APBB2: variants seen among roughly 807,000 people sequenced by gnomAD.
The protein encoded by APBB2 is amyloid beta precursor protein binding family B member 2.
Under a neutral mutation model 82.5 loss-of-function variants are expected in APBB2, and 38 were observed. The observed-to-expected ratio is 0.46, with a 90% confidence interval of 0.36 to 0.60. The LOEUF (loss-of-function observed/expected upper bound fraction) is 0.60. APBB2 is among the 20% of genes least tolerant of loss of function. The pLI is 0.00. For synonymous variants in APBB2, 341 were observed against 368.2 expected (o/e 0.93, Z 0.85); for missense variants, 772 against 972.3 (o/e 0.79, Z 2.74).
chr4:40,949,053 T>C (rs1578672738), intron 6 of APBB2, among the ~76,000 whole-genome samples: 1 of 152,098 alleles, frequency 6.6e-6, no homozygotes, highest in South Asian at 2.1e-4. Context: ...CCGAGGCAGG[T>C]AGATCACTCA....
intron 13 of APBB2, 74 bp downstream of exon 13, chr4:40,830,389 C>T: frequency 2.9e-6 from 3 of 1,029,716 alleles, no homozygotes; most frequent in Middle Eastern, 2.1e-4. Flanking sequence ...TGCCCACTCC[C>T]CCGCCCTTCC....
chr4:40,978,899 G>GATTT (rs1383867174), intron 6 of APBB2, among the ~76,000 whole-genome samples: 1 of 151,262 alleles, frequency 6.6e-6, no homozygotes, highest in Non-Finnish European at 1.5e-5. Context: ...ATGAACTGCA[G>GATTT]ATTAATAAGA....
chr4:41,127,034 T>C lies in APBB2; in HGVS notation c.-261+15953A>G, dbSNP rs1350990031. Reference sequence around the variant, plus strand: ...CTAACATGGCAAGGTTCTATTTCCATTTATTCTTACCAGTGCCATGAGGCT... The same window carrying C: ...CTAACATGGCAAGGTTCTATTTCCACTTATTCTTACCAGTGCCATGAGGCT... On this transcript the variant is annotated intron_variant, in intron 2 of 17. Transcript: ENST00000508593. The surrounding 1 kb of genome is among the most constrained non-coding windows in gnomAD (Gnocchi z 4.8). Among the ~76,000 whole-genome samples, 1 of 152,198 alleles carries C rather than the reference T, an allele frequency of 6.6e-6. No homozygotes were observed.
At chr4:41,082,662 C>A (rs772663331) in intron 3 of APBB2, among the ~76,000 whole-genome samples, 21 of 150,960 alleles carry the variant, frequency 1.4e-4, no homozygotes, top group Non-Finnish European at 2.9e-4. Flanking sequence ...AGCTTCAAAT[C>A]CCAGGGCTAA....
At chr4:41,194,657 T>C in intron 1 of APBB2, among the ~76,000 whole-genome samples, 1 of 151,710 alleles carries the variant, frequency 6.6e-6, no homozygotes, top group Non-Finnish European at 1.5e-5. Context: ...GAGCAAGACC[T>C]TGCCTCAAAA....
intron 4 of APBB2, among the ~76,000 whole-genome samples, chr4:41,049,375 G>T (rs181238985): frequency 9.4e-6 from 1 of 106,460 alleles, no homozygotes; most frequent in Non-Finnish European, 1.9e-5. Context: ...GGAGGTGGGG[G>T]GTCAGCCCCC....
intron 1 of APBB2, among the ~76,000 whole-genome samples, chr4:41,204,210 G>A (rs564522635): frequency 7.2e-5 from 11 of 152,280 alleles, no homozygotes; most frequent in Admixed American, 2.6e-4. Flanking sequence ...AAATATGTTC[G>A]GTGCCTCATC....
intron 2 of APBB2, among the ~76,000 whole-genome samples, chr4:41,114,849 C>T (rs1750433994): frequency 6.6e-6 from 1 of 152,166 alleles, no homozygotes; most frequent in South Asian, 2.1e-4. Context: ...AAAAACATTC[C>T]ACTCTCATGG....
At chr4:40,982,980 G>A (rs1799505669) in intron 6 of APBB2, among the ~76,000 whole-genome samples, 1 of 152,164 alleles carries the variant, frequency 6.6e-6, no homozygotes. Context: ...GACCTGCAGG[G>A]TGAAGGTGGA....
rs148251963 is a variant in APBB2, at chr4:40,853,110, C to T, written c.1530-22533G>A. ...TAGATCACACCCCTTCCTGCATCTTCTACAGTCAACTTGGCGAGTTCAACC... is the reference window on the plus strand; with the variant it reads ...TAGATCACACCCCTTCCTGCATCTTTTACAGTCAACTTGGCGAGTTCAACC... On this transcript the variant is annotated intron_variant, in intron 12 of 17. Coordinates refer to ENST00000508593, the MANE Select transcript of APBB2 (RefSeq NM_004307.2). Among the ~76,000 whole-genome samples the T allele has an allele frequency of 2.6e-4, 39 of 152,210 alleles. No individual in the cohort carries two copies. The East Asian group carries it at 7.1e-3, about 28-fold the overall frequency.
intron 10 of APBB2, among the ~76,000 whole-genome samples, chr4:40,905,308 T>C (rs769675697): frequency 3.9e-5 from 6 of 152,116 alleles, no homozygotes; most frequent in Non-Finnish European, 8.8e-5. Context: ...CCCCATCCCC[T>C]GCAGTTGGGA....
In APBB2 at chr4:41,014,430, C is replaced by T. The variant is rs779776901; in HGVS notation, c.20-32G>A. The T allele has an allele frequency of 4.4e-6, 7 of 1,573,958 alleles. No individual in the cohort carries two copies. In the South Asian group the frequency reaches 5.6e-5, roughly 13 times the overall value. ...AAAAAAAAAGTCATTAGACACCTGC[C>T]ATGATTAAACTACTTAGTATACAGT... On this transcript the variant is annotated intron_variant, in intron 5 of 17. Transcript: ENST00000508593.
chr4:41,028,730 T>C (rs889718224), intron 5 of APBB2, among the ~76,000 whole-genome samples: 4 of 152,090 alleles, frequency 2.6e-5, no homozygotes, highest in Non-Finnish European at 5.9e-5. Context: ...GTATTTTTTA[T>C]GAAACCTAAA....
At chr4:41,064,468 G>C (rs534507025) in intron 4 of APBB2, among the ~76,000 whole-genome samples, 63 of 152,330 alleles carry the variant, frequency 4.1e-4, no homozygotes, top group Non-Finnish European at 6.2e-4. Flanking sequence ...AATTTCCCCT[G>C]ACTTGGAGCC....
intron 17 of APBB2, among the ~76,000 whole-genome samples, chr4:40,819,041 G>T (rs116597817): frequency 2.0e-5 from 3 of 151,758 alleles, no homozygotes; most frequent in Non-Finnish European, 2.9e-5. Flanking sequence ...TGTATGGGGT[G>T]GGGGGGCGGC....
chr4:40,858,176 C>T (rs1761883876), intron 12 of APBB2, among the ~76,000 whole-genome samples: 2 of 152,100 alleles, frequency 1.3e-5, no homozygotes, highest in Non-Finnish European at 2.9e-5. Context: ...GCACTTTCAG[C>T]ACTTTAAGTA....
At chr4:40,870,993 C>T (rs572225344) in intron 12 of APBB2, among the ~76,000 whole-genome samples, 34 of 105,402 alleles carry the variant, frequency 3.2e-4, no homozygotes, top group African/African-American at 8.3e-4. Flanking sequence ...GAGCCACCAC[C>T]GCGCCCAGCC....
chr4:40,944,968 C>A lies in APBB2; in HGVS notation c.941G>T (p.Gly314Val). Reference sequence around the variant, plus strand: ...GACGGGCCGTTCCCACTGAGTCGTTCCTGTTGGGATGTGCCAATAATAGGT... The same window carrying A: ...GACGGGCCGTTCCCACTGAGTCGTTACTGTTGGGATGTGCCAATAATAGGT... ...AGTYYWHIPT[G>V]TTQWERPVSI... Residue 314 changes from glycine to valine, a missense_variant, in exon 7 of 18, where the codon GGA becomes GTA. Coordinates refer to ENST00000508593, the MANE Select transcript of APBB2 (RefSeq NM_004307.2). 6.2e-7 allele frequency: 1 copy of A among 1,610,388 alleles called. No individual in the cohort carries two copies. Among genetic ancestry groups the A allele is most frequent in the Non-Finnish European group, 8.5e-7 (1 of 1,178,638 alleles).
chr4:40,827,015 C>A, intron 14 of APBB2, 117 bp downstream of exon 14: 1 of 892,962 alleles, frequency 1.1e-6, no homozygotes, highest in East Asian at 2.5e-5. Context: ...CTTGTGCTTA[C>A]TGAGTTGAGT....
Sources: gnomAD v4.1 joint callset for allele counts (sites outside exome capture counted in the v4.1 genomes callset) on GRCh38, gnomAD v4.1.1 for gene constraint, Gnocchi (gnomAD v3.1) non-coding constraint, MANE v1.5 for transcripts, NCBI Gene and HGNC (gene_info 2026-07-23, HGNC 2026-07-21) for gene names.